Variants in TXLNA observed in about 807,000 individuals in gnomAD.
TXLNA encodes the protein alpha-taxilin.
TXLNA carries 9 observed loss-of-function variants against 61.4 expected under a neutral mutation model. The observed-to-expected ratio is 0.15, with a 90% CI of 0.09 to 0.26. The LOEUF is 0.26. Ranked by LOEUF, TXLNA falls within the 10% of genes least tolerant of loss-of-function variation. The pLI, the probability that TXLNA is intolerant of heterozygous loss-of-function variation, is 1.00. For missense variants in TXLNA, 565 were observed against 688.8 expected (o/e 0.82, Z 2.01); for synonymous variants, 257 against 267.7 (o/e 0.96, Z 0.39).
At position 32,194,854 on chromosome 1, in the gene TXLNA, T is replaced by G. The variant is rs1642982163; in HGVS notation, c.1348-48T>G. 1.9e-6 allele frequency: 3 copies of G among 1,547,928 alleles called. No homozygotes were observed. The African/African-American group carries it at 4.1e-5, about 21-fold the overall frequency. ...TTTGCCGCCAAGTGGTGATGGTAAG[T>G]GGGAGGTTGATGGGGCACGGCACTG... On this transcript the variant is annotated intron_variant, in intron 10 of 10. Transcript: ENST00000373610.
rs1257923783 is a variant in TXLNA, at chr1:32,196,213, AGCTTACCT to A, written c.*1020_*1027del. On this transcript the variant is annotated 3_prime_UTR_variant, in exon 11 of 11. Coordinates refer to ENST00000373610, the MANE Select transcript of TXLNA (RefSeq NM_175852.4). ...AAGGGCTTCTGATGGCTTTGCCACA[AGCTTACCT>A]GTGGGTTTCAGTCCTGAGAGGCCAC... is the stretch of plus-strand genomic sequence containing the variant. 5 of 153,646 alleles carry A rather than the reference AGCTTACCT, an allele frequency of 3.3e-5. No homozygotes were observed. The highest frequency in any genetic ancestry group is 5.8e-5 in the Non-Finnish European group (4 of 69,164). 9.5% of individuals were successfully genotyped at this position (153,646 alleles called of 1,614,324 possible).
chr1:32,189,981 C>A, intron 5 of TXLNA, 74 bp from the exon 6 acceptor site: 1 of 1,456,032 alleles, frequency 6.9e-7, no homozygotes. Context: ...TGGCAGAGAC[C>A]ATCTGTGGAC....
intron 4 of TXLNA, 125 bp from the exon 5 acceptor site, chr1:32,187,829 A>T (rs1642819283): frequency 1.9e-6 from 2 of 1,031,688 alleles, no homozygotes; most frequent in Admixed American, 5.6e-5. Flanking sequence ...TCAGCCCATG[A>T]GAGTGCTCCT....
chr1:32,184,775 T>G (rs992635980), intron 4 of TXLNA, among the ~76,000 whole-genome samples, 159 bp downstream of exon 4: 5 of 152,206 alleles, frequency 3.3e-5, no homozygotes, highest in African/African-American at 1.2e-4. Flanking sequence ...GCCAGCCTCT[T>G]CAGGGCTGTG....
At chr1:32,187,901 C>G (rs1026516565) in intron 4 of TXLNA, 53 bp from the exon 5 acceptor site, 3 of 1,584,378 alleles carry the variant, frequency 1.9e-6, no homozygotes, top group East Asian at 4.5e-5. Flanking sequence ...GTGATCCCCC[C>G]ACCAGGAAGG....
At chr1:32,184,368 G>C (rs952583981) in intron 3 of TXLNA, among the ~76,000 whole-genome samples, 157 bp from the exon 4 acceptor site, 1 of 152,174 alleles carries the variant, frequency 6.6e-6, no homozygotes, top group African/African-American at 2.4e-5. Context: ...GTGAGGGCAG[G>C]ATTGAGTTGG....
At chr1:32,194,508 C>T (rs1642971889) in intron 10 of TXLNA, among the ~76,000 whole-genome samples, 1 of 152,198 alleles carries the variant, frequency 6.6e-6, no homozygotes, top group South Asian at 2.1e-4. Flanking sequence ...GCAGCAACTG[C>T]AAGCCAGACC....
In TXLNA at chr1:32,195,405, G is replaced by C; in HGVS notation, c.*210G>C. On this transcript the variant is annotated 3_prime_UTR_variant, in exon 11 of 11. Transcript: ENST00000373610. Reference sequence around the variant, plus strand: ...TGCAAATGCATTTATACCTGTAAGTGTACAGTGGGCTTGCATTGGGGATGG... The same window carrying C: ...TGCAAATGCATTTATACCTGTAAGTCTACAGTGGGCTTGCATTGGGGATGG... The C allele has an allele frequency of 1.7e-6, 1 of 598,294 alleles. No individual in the cohort carries two copies. The highest frequency in any genetic ancestry group is 3.0e-6 in the Non-Finnish European group (1 of 338,168). 37.1% of individuals were successfully genotyped at this position (598,294 alleles called of 1,614,324 possible).
chr1:32,186,397 T>A (rs1172694253), intron 4 of TXLNA, among the ~76,000 whole-genome samples: 1 of 151,948 alleles, frequency 6.6e-6, no homozygotes, highest in Non-Finnish European at 1.5e-5. Flanking sequence ...AACGATGAAA[T>A]AGTTGTCTGG....
In TXLNA at chr1:32,192,497, T is replaced by G; in HGVS notation, c.1083+67T>G. ...ACAGGCTGGGCTCTGGCTCAGCTCA[T>G]AGCCGGGTTATATGGGAGAAGTCTG... On this transcript the variant is annotated intron_variant, in intron 7 of 10. Coordinates refer to ENST00000373610, the MANE Select transcript of TXLNA (RefSeq NM_175852.4). This position sits in a 1 kb window ranked among gnomAD's most constrained non-coding sequence, Gnocchi z 4.2. The G allele has an allele frequency of 6.2e-7, 1 of 1,603,146 alleles. No individual in the cohort carries two copies. The highest frequency in any genetic ancestry group is 8.5e-7 in the Non-Finnish European group (1 of 1,172,650).
rs149884843 is a variant in TXLNA, at chr1:32,190,243, C to T, written c.957C>T (p.Arg319=). 347 of 1,597,776 alleles carry T rather than the reference C, an allele frequency of 2.2e-4. No individual in the cohort carries two copies. Among genetic ancestry groups the T allele is most frequent in the Non-Finnish European group, 2.8e-4 (330 of 1,170,164 alleles). ...AGCTGATTGAGCAGTATGAGCTGCG[C>T]GAGGAGGTAAGGGTATCACGGACAG... ...LKKLIEQYEL[R]EEHIDKVFKH... The change falls in exon 6 of 11, where the codon CGC becomes CGT. Residue 319 remains arginine (R), a synonymous_variant. Coordinates refer to ENST00000373610, the MANE Select transcript of TXLNA (RefSeq NM_175852.4).
rs748105492 is a variant in TXLNA, at chr1:32,184,593, C to G, written c.574C>G (p.Leu192Val). ...TACCCCAGAGGAGAAGCTGGCTGCT[C>G]TGTGCAAGAAGTATGCTGAACTGGT... ...LSTPEEKLAA[L>V]CKKYAELLEE... Residue 192 changes from leucine to valine, a missense_variant, in exon 4 of 11, where the codon CTG (leucine) becomes GTG (valine). By Grantham distance (32) the Leu-to-Val change is conservative. Transcript: ENST00000373610. 1.9e-6 allele frequency: 3 copies of G among 1,613,526 alleles called. No individual in the cohort carries two copies. Among genetic ancestry groups the G allele is most frequent in the Non-Finnish European group, 2.5e-6 (3 of 1,179,598 alleles).
At chr1:32,182,046 T>C (rs1008223679) in intron 3 of TXLNA, among the ~76,000 whole-genome samples, 1 of 149,538 alleles carries the variant, frequency 6.7e-6, no homozygotes, top group Non-Finnish European at 1.5e-5. Flanking sequence ...GATTAGTTGC[T>C]CTCAGCTAGC....
chr1:32,195,056 C>T lies in TXLNA; in HGVS notation c.1502C>T (p.Pro501Leu). The change falls in exon 11 of 11, where the codon CCT becomes CTT. Residue 501 changes from proline (P) to leucine (L), a missense_variant. Physicochemically the swap from Pro to Leu is moderately conservative, Grantham distance 98. Around this residue, in one of 2 missense-constraint regions of TXLNA, gnomAD observed 373 missense variants for 504.0 expected, o/e 0.74. Coordinates refer to ENST00000373610, the MANE Select transcript of TXLNA (RefSeq NM_175852.4). Reference protein sequence around the residue: ...GGQGSLTDSGPERRPEGPGAQ... With the variant: ...GGQGSLTDSGLERRPEGPGAQ... ...CAGGGCTCCCTCACTGACAGTGGCC[C>T]TGAGAGGAGGCCAGAGGGGCCTGGG... 6.2e-7 allele frequency: 1 copy of T among 1,614,132 alleles called. No homozygotes were observed. Among genetic ancestry groups the T allele is most frequent in the Non-Finnish European group, 8.5e-7 (1 of 1,180,010 alleles).
rs1278231937 is a variant in TXLNA, at chr1:32,192,703, A to G, written c.1130A>G (p.Lys377Arg). Residue 377 changes from lysine to arginine, a missense_variant, in exon 8 of 11, where the codon AAG becomes AGG. By Grantham distance (26) the Lys-to-Arg change is conservative (BLOSUM62 2). Coordinates refer to ENST00000373610, the MANE Select transcript of TXLNA (RefSeq NM_175852.4). This position sits in a 1 kb window ranked among gnomAD's most constrained non-coding sequence, Gnocchi z 4.2. Reference sequence around the variant, plus strand: ...TCCCAGAGGATGTGTGAGCTGATGAAGCAGCAAGAGACCCACCTGAAGCAA... The same window carrying G: ...TCCCAGAGGATGTGTGAGCTGATGAGGCAGCAAGAGACCCACCTGAAGCAA... Reference protein sequence around the residue: ...VESQRMCELMKQQETHLKQQL... With the variant: ...VESQRMCELMRQQETHLKQQL... 2 of 1,614,214 alleles carry G rather than the reference A, an allele frequency of 1.2e-6. No homozygotes were observed. The highest frequency in any genetic ancestry group is 1.7e-6 in the Non-Finnish European group (2 of 1,180,038).
Position 32,195,070 on chromosome 1 carries a change from G to T in TXLNA, c.1516G>T (p.Glu506Ter). ...LTDSGPERRP[E>*]GPGAQAPSSP... ...TGACAGTGGCCCTGAGAGGAGGCCA[G>T]AGGGGCCTGGGGCTCAAGCACCCAG... The change falls in exon 11 of 11, where the codon GAG becomes TAG. Residue 506 changes from glutamate to a stop codon, truncating the protein, a stop_gained. Transcript: ENST00000373610. LOFTEE classifies it high-confidence loss of function. 1 of 1,614,188 alleles carries T rather than the reference G, an allele frequency of 6.2e-7. No individual in the cohort carries two copies. The highest frequency in any genetic ancestry group is 8.5e-7 in the Non-Finnish European group (1 of 1,180,016).
In TXLNA at chr1:32,184,512, C is replaced by T. The variant is rs372648635; in HGVS notation, c.506-13C>T. 2 of 1,600,142 alleles carry T rather than the reference C, an allele frequency of 1.2e-6. No homozygotes were observed. The highest frequency in any genetic ancestry group is 2.7e-5 in the African/African-American group (2 of 74,660). On this transcript the variant is annotated splice_polypyrimidine_tract_variant and intron_variant, in intron 3 of 10. Transcript: ENST00000373610. ...GAGAAGAGGGTGCATGTCTTTGCTCCTGTGCTTTTCAGGGAAGGAGATCAC... is the reference window on the plus strand; with the variant it reads ...GAGAAGAGGGTGCATGTCTTTGCTCTTGTGCTTTTCAGGGAAGGAGATCAC...
At position 32,184,624 on chromosome 1, in the gene TXLNA, C is replaced by T. The variant is rs746044111; in HGVS notation, c.597+8C>T. 22 of 1,586,490 alleles carry T rather than the reference C, an allele frequency of 1.4e-5. No individual in the cohort carries two copies. The highest frequency in any genetic ancestry group is 3.4e-5 in the Admixed American group (2 of 58,962). On this transcript the variant is annotated splice_region_variant and intron_variant, in intron 4 of 10. Transcript: ENST00000373610. ...AAGAAGTATGCTGAACTGGTCAGTT[C>T]CCCCCTCCGCGGGCACCTTCCCTGC... is the stretch of plus-strand genomic sequence containing the variant.
Position 32,184,505 on chromosome 1 carries a change from T to C in TXLNA, c.506-20T>C, listed in dbSNP as rs759756139. 2.5e-5 allele frequency: 40 copies of C among 1,582,786 alleles called. No homozygotes were observed. Among genetic ancestry groups the C allele is most frequent in the African/African-American group, 4.0e-5 (3 of 74,276 alleles). On this transcript the variant is annotated intron_variant, in intron 3 of 10. Coordinates refer to ENST00000373610, the MANE Select transcript of TXLNA (RefSeq NM_175852.4). Reference sequence around the variant, plus strand: ...ACACCTGGAGAAGAGGGTGCATGTCTTTGCTCCTGTGCTTTTCAGGGAAGG... The same window carrying C: ...ACACCTGGAGAAGAGGGTGCATGTCCTTGCTCCTGTGCTTTTCAGGGAAGG...
Sources: allele counts gnomAD v4.1 joint callset (sites outside exome capture counted in the v4.1 genomes callset), GRCh38; gene constraint gnomAD v4.1.1; regional missense constraint gnomAD v4.1.1; non-coding constraint Gnocchi (gnomAD v3.1); transcripts MANE v1.5; gene names NCBI Gene and HGNC (gene_info 2026-07-23, HGNC 2026-07-21).